The following STK3 variants were observed in gnomAD, a reference collection of about 807,000 sequenced individuals.
The protein encoded by STK3 is serine/threonine-protein kinase 3.
A neutral mutation model predicts 58.0 loss-of-function variants in STK3; 41 were observed. That is an observed-to-expected ratio of 0.71 (90% confidence interval 0.55 to 0.92). The LOEUF is 0.92. Ranked by LOEUF, STK3 falls within the 40% of genes least tolerant of loss-of-function variation. The pLI, the probability that STK3 is intolerant of heterozygous loss-of-function variation, is 0.00. For missense variants in STK3, 479 were observed against 602.7 expected (o/e 0.79, Z 2.15); for synonymous variants, 170 against 191.0 (o/e 0.89, Z 0.91).
chr8:98,700,952 T>C (rs1185280268), intron 6 of STK3, among the ~76,000 whole-genome samples: 1 of 152,110 alleles, frequency 6.6e-6, no homozygotes, highest in Non-Finnish European at 1.5e-5. Flanking sequence ...GCAGTGAGCC[T>C]AGATGGCGCC....
chr8:98,387,352 C>T (rs1817800773), intron 1 of STK3, among the ~76,000 whole-genome samples: 1 of 152,156 alleles, frequency 6.6e-6, no homozygotes. Flanking sequence ...GTCACAGAAG[C>T]TAAGTAAAAG....
intron 10 of STK3, among the ~76,000 whole-genome samples, chr8:98,461,349 C>T (rs190768787): frequency 6.6e-6 from 1 of 152,268 alleles, no homozygotes; most frequent in Non-Finnish European, 1.5e-5. Flanking sequence ...ATATCTTCTT[C>T]TACCCCTTTG....
rs926487280 is a variant in STK3, at chr8:98,936,225, A to G, written c.-79+6153T>C. Among the ~76,000 whole-genome samples, 12 of 152,206 alleles carry G rather than the reference A, an allele frequency of 7.9e-5. No homozygotes were observed. In the South Asian group the frequency reaches 8.3e-4, roughly 11 times the overall value. The stretch of plus-strand genomic sequence containing the variant: ...GAGCCACCATGCCTGGCCTGCATCC[A>G]TGTTATTTAACCCTCAGAATATCCT... On this transcript the variant is annotated intron_variant, in intron 1 of 1. Transcript: ENST00000519420.
At chr8:98,362,840 C>T in the STK3 span, among the ~76,000 whole-genome samples, 2 of 152,190 alleles carry the variant, frequency 1.3e-5, no homozygotes, top group African/African-American at 2.4e-5. Context: ...CCTGGGTCTG[C>T]TCCCACAGCT....
At chr8:98,813,084 C>T (rs1380228841) in intron 1 of STK3, among the ~76,000 whole-genome samples, 1 of 151,294 alleles carries the variant, frequency 6.6e-6, no homozygotes, top group African/African-American at 2.4e-5. Context: ...ATGCTGACGA[C>T]GTCAGACACA....
chr8:98,798,859 G>C (rs1037295915), intron 1 of STK3, among the ~76,000 whole-genome samples: 1 of 152,164 alleles, frequency 6.6e-6, no homozygotes, highest in Non-Finnish European at 1.5e-5. Flanking sequence ...TCCTCACCTC[G>C]TGAATGGGAT....
chr8:98,931,759 A>G (rs2132038898), intron 1 of STK3, among the ~76,000 whole-genome samples: 1 of 152,316 alleles, frequency 6.6e-6, no homozygotes, highest in South Asian at 2.1e-4. Context: ...TGGAATACAC[A>G]ACAATCTCCT....
At chr8:98,592,733 C>CTTTATTTA (rs10557286) in intron 7 of STK3, among the ~76,000 whole-genome samples, 4,337 of 139,564 alleles carry the variant, frequency 0.031, 86 homozygotes, top group East Asian at 0.047. Flanking sequence ...CACTGACTTA[C>CTTTATTTA]TTTATTTATT....
chr8:98,796,276 G>A (rs1833160693), intron 1 of STK3, among the ~76,000 whole-genome samples: 1 of 152,110 alleles, frequency 6.6e-6, no homozygotes, highest in African/African-American at 2.4e-5. Context: ...AAAAATCATG[G>A]TACTGGTACC....
rs970825829 is a variant in STK3 at position 98,738,857 on chromosome 8, G to C, written c.351+10419C>G. 1.6e-4 allele frequency among the ~76,000 whole-genome samples: 24 copies of C among 152,334 alleles called. 1 individual carries two copies. The highest frequency in any genetic ancestry group is 4.1e-4 in the South Asian group (2 of 4,826). Reference sequence around the variant, plus strand: ...CCTAGTCAAAGAAAGGGGTGACAGAGGGCACCTGGAAAATCGGGTCACTCC... The same window carrying C: ...CCTAGTCAAAGAAAGGGGTGACAGACGGCACCTGGAAAATCGGGTCACTCC... On this transcript the variant is annotated intron_variant, in intron 4 of 10. Coordinates refer to ENST00000419617, the MANE Select transcript of STK3 (RefSeq NM_006281.4).
chr8:98,747,029 G>A (rs964336957), intron 4 of STK3, among the ~76,000 whole-genome samples: 1 of 146,108 alleles, frequency 6.8e-6, no homozygotes, highest in Non-Finnish European at 1.5e-5. Flanking sequence ...GCAAAAGAGC[G>A]AGAACCTGTC....
At chr8:98,778,384 G>C (rs1347105516) in intron 1 of STK3, among the ~76,000 whole-genome samples, 1 of 151,432 alleles carries the variant, frequency 6.6e-6, no homozygotes, top group African/African-American at 2.4e-5. Context: ...GAAACAACAG[G>C]TGCTGGAGAG....
chr8:98,698,599 A>G (rs1450727970), intron 6 of STK3, among the ~76,000 whole-genome samples: 1 of 152,172 alleles, frequency 6.6e-6, no homozygotes, highest in African/African-American at 2.4e-5. Flanking sequence ...TCTGCAAAGT[A>G]TTTTATTTCT....
chr8:98,682,893 C>A (rs549144783), intron 6 of STK3, among the ~76,000 whole-genome samples: 1 of 152,058 alleles, frequency 6.6e-6, no homozygotes, highest in Non-Finnish European at 1.5e-5. Context: ...GCACACCTAG[C>A]TATTTATGTC....
chr8:98,410,681 A>G lies in STK3; in HGVS notation n.484-9168T>C, dbSNP rs1486184639. On this transcript the variant is annotated intron_variant and non_coding_transcript_variant, in intron 3 of 3. Coordinates refer to the STK3 transcript ENST00000517832. ...TGAATTAATAGTATTAAGTATGTCT[A>G]TGATATGACCCTCCCTGCTCTTTTC... Among the ~76,000 whole-genome samples the G allele has an allele frequency of 4.6e-5, 7 of 152,328 alleles. No individual in the cohort carries two copies. The East Asian group carries it at 1.2e-3, about 25-fold the overall frequency.
At chr8:98,438,712 CTGTG>C (rs55749428) in intron 1 of STK3, 77,418 of 150,344 alleles carry the variant, frequency 0.51, 20,273 homozygotes, top group South Asian at 0.58. Flanking sequence ...GTGTGAGTCT[CTGTG>C]TGTGTGTGTG....
In STK3 at chr8:98,774,733, A is replaced by C. The variant is rs1483526356; in HGVS notation, c.107+6T>G. The C allele has an allele frequency of 6.4e-7, 1 of 1,569,974 alleles. No homozygotes were observed. The highest frequency in any genetic ancestry group is 1.9e-5 in the Admixed American group (1 of 52,494). On this transcript the variant is annotated splice_donor_region_variant and intron_variant, in intron 2 of 10. Transcript: ENST00000419617. ...ATTTACATGCTTTCATACTTTTTGT[A>C]CTTACCCTTCTCCAAGCTTCTCTAA...
At chr8:98,888,032 T>C (rs544994486) in intron 1 of STK3, among the ~76,000 whole-genome samples, 1 of 152,176 alleles carries the variant, frequency 6.6e-6, no homozygotes, top group East Asian at 1.9e-4. Context: ...GTCTGAACTA[T>C]TGGGGGCCAG....
Position 98,800,394 on chromosome 8 carries a change from T to A in STK3, c.26+25121A>T, listed in dbSNP as rs1179050035. ...GCCAAATTCCCAACAGCAGTTGGGG[T>A]GTCCTGTTTAGAGGGGGGATTGAGA... On this transcript the variant is annotated intron_variant, in intron 1 of 10. Transcript: ENST00000419617. The surrounding 1 kb of genome is among the most constrained non-coding windows in gnomAD (Gnocchi z 4.8). 6.6e-6 allele frequency among the ~76,000 whole-genome samples: 1 copy of A among 151,984 alleles called. No homozygotes were observed. The highest frequency in any genetic ancestry group is 1.5e-5 in the Non-Finnish European group (1 of 67,988).
Sources: gnomAD v4.1 joint callset for allele counts (sites outside exome capture counted in the v4.1 genomes callset) on GRCh38, gnomAD v4.1.1 for gene constraint, Gnocchi (gnomAD v3.1) non-coding constraint, MANE v1.5 for transcripts, NCBI Gene and HGNC (gene_info 2026-07-23, HGNC 2026-07-21) for gene names.